Variants in FREM2 observed in about 807,000 individuals in gnomAD.
FREM2 encodes FRAS1-related extracellular matrix protein 2.
In FREM2, 119 loss-of-function variants were observed where a neutral mutation model predicts 219.9. The ratio of observed to expected loss-of-function variants is 0.54; its 90% CI spans 0.47 to 0.63. The LOEUF (loss-of-function observed/expected upper bound fraction) is 0.63, where lower values mean the gene tolerates loss of function less well. FREM2 is among the 30% of genes least tolerant of loss of function. The pLI, the probability that FREM2 is intolerant of heterozygous loss-of-function variation, is 0.00. For synonymous variants in FREM2, 1,562 were observed against 1,522.8 expected (o/e 1.03, Z -0.60); for missense variants, 4,030 against 3,993.6 (o/e 1.01, Z -0.25).
At chr13:38,842,040 AG>A (rs1308066227) in intron 6 of FREM2, among the ~76,000 whole-genome samples, 4 of 152,152 alleles carry the variant, frequency 2.6e-5, no homozygotes, top group Admixed American at 6.5e-5. Flanking sequence ...AGATGTGCAG[AG>A]CAGAAGGTAT....
At chr13:38,720,558 C>G (rs1418990142) in intron 2 of FREM2, among the ~76,000 whole-genome samples, 1 of 152,134 alleles carries the variant, frequency 6.6e-6, no homozygotes, top group Non-Finnish European at 1.5e-5. Flanking sequence ...ATCACACACC[C>G]TTATAAAATC....
At chr13:38,694,321 C>T (rs1318967753) in intron 1 of FREM2, among the ~76,000 whole-genome samples, 1 of 152,270 alleles carries the variant, frequency 6.6e-6, no homozygotes, top group South Asian at 2.1e-4. Flanking sequence ...GGAAAATTAT[C>T]ACATTCCAAT....
rs529296138 is a variant in FREM2 at position 38,883,586 on chromosome 13, C to T, written c.*2799C>T. On this transcript the variant is annotated 3_prime_UTR_variant, in exon 24 of 24. Transcript: ENST00000280481. ...TATTTTAATGATGATCTTATTTATT[C>T]CCATTTTTGCCCTTAGTTAACATTT... The T allele has an allele frequency of 1.3e-4, 20 of 152,080 alleles. No homozygotes were observed. Among genetic ancestry groups the T allele is most frequent in the Non-Finnish European group, 2.8e-4 (19 of 68,000 alleles). The allele number at this position is 152,080 out of a possible 1,614,324, so 9.4% of individuals were successfully genotyped here.
intron 2 of FREM2, among the ~76,000 whole-genome samples, chr13:38,698,216 T>C (rs1593350330): frequency 6.6e-6 from 1 of 152,196 alleles, no homozygotes; most frequent in South Asian, 2.1e-4. Flanking sequence ...CTGTGTGGAC[T>C]AATACTGATG....
chr13:38,847,854 G>T (rs1877221695), intron 7 of FREM2, among the ~76,000 whole-genome samples: 1 of 152,112 alleles, frequency 6.6e-6, no homozygotes, highest in African/African-American at 2.4e-5. Context: ...ATAAGTGGAG[G>T]TATCAACACT....
chr13:38,797,257 C>T (rs902883406), intron 6 of FREM2, among the ~76,000 whole-genome samples: 1 of 151,944 alleles, frequency 6.6e-6, no homozygotes, highest in African/African-American at 2.4e-5. Context: ...CGCATCCTCA[C>T]CTGCTTCTGT....
chr13:38,784,549 G>C lies in FREM2; in HGVS notation c.5768-8G>C. The C allele has an allele frequency of 3.1e-6, 5 of 1,613,972 alleles. No homozygotes were observed. The highest frequency in any genetic ancestry group is 4.2e-6 in the Non-Finnish European group (5 of 1,179,920). On this transcript the variant is annotated splice_region_variant and splice_polypyrimidine_tract_variant and intron_variant, in intron 5 of 23. Coordinates refer to ENST00000280481, the MANE Select transcript of FREM2 (RefSeq NM_207361.6). ...CATAAAAATCTTTTGAATTCTCTCT[G>C]CTTCCAGGAACAGCAACTGGAACTG...
intron 6 of FREM2, among the ~76,000 whole-genome samples, chr13:38,810,128 C>T (rs1266551880): frequency 6.6e-6 from 1 of 151,616 alleles, no homozygotes; most frequent in Non-Finnish European, 1.5e-5. Flanking sequence ...TCAGATTGTT[C>T]AACTTGACAT....
At chr13:38,788,313 G>A (rs879274807) in intron 6 of FREM2, among the ~76,000 whole-genome samples, 1 of 152,108 alleles carries the variant, frequency 6.6e-6, no homozygotes, top group Non-Finnish European at 1.5e-5. Context: ...TGAGAGTAAA[G>A]TTGCAGTTAT....
At chr13:38,846,873 C>G (rs1877178038) in intron 7 of FREM2, 151 bp downstream of exon 7, 4 of 852,410 alleles carry the variant, frequency 4.7e-6, no homozygotes, top group Non-Finnish European at 7.5e-6. Context: ...GGAGGTAAAT[C>G]TAGGCTTTAT....
chr13:38,764,421 G>A lies in FREM2; in HGVS notation c.5381G>A (p.Arg1794Lys), dbSNP rs1014874977. The A allele has an allele frequency of 2.5e-6, 4 of 1,579,774 alleles. No individual in the cohort carries two copies. The highest frequency in any genetic ancestry group is 3.5e-6 in the Non-Finnish European group (4 of 1,156,200). ...TTTCTAGATGTTGTTCTTAAACGTA[G>A]AGGTTACTTGGGAGAAACTTCTTTT... The part of the protein sequence containing the change: ...SKFLDVVLKR[R>K]GYLGETSFIS... Residue 1794 changes from arginine (R) to lysine (K), a missense_variant, in exon 3 of 24, where the codon AGA (arginine) becomes AAA (lysine). Transcript: ENST00000280481.
rs1869801443 is a variant in FREM2 at position 38,690,735 on chromosome 13, A to C, written c.3391A>C (p.Ile1131Leu). The change falls in exon 1 of 24, where the codon ATT (isoleucine) becomes CTT (leucine). Residue 1131 changes from isoleucine (I) to leucine (L), a missense_variant. By Grantham distance (5) the Ile-to-Leu change is conservative (BLOSUM62 2). Coordinates refer to ENST00000280481, the MANE Select transcript of FREM2 (RefSeq NM_207361.6). ...AGGCTCTGAGAAATCAAGAGCAGGGATTGCCATAAGTGCTTTCAACTTGAA... is the reference window on the plus strand; with the variant it reads ...AGGCTCTGAGAAATCAAGAGCAGGGCTTGCCATAAGTGCTTTCAACTTGAA... The part of the protein sequence containing the change: ...APGSEKSRAG[I>L]AISAFNLKDL... 6.2e-7 allele frequency: 1 copy of C among 1,614,036 alleles called. No homozygotes were observed. The highest frequency in any genetic ancestry group is 8.5e-7 in the Non-Finnish European group (1 of 1,180,028).
At chr13:38,860,425 G>T (rs991842484) in intron 14 of FREM2, among the ~76,000 whole-genome samples, 2 of 152,138 alleles carry the variant, frequency 1.3e-5, no homozygotes, top group Non-Finnish European at 2.9e-5. Flanking sequence ...AAAAACGGTT[G>T]TATATATTTG....
Position 38,880,542 on chromosome 13 carries a change from C to G in FREM2, c.9265C>G (p.His3089Asp). ...GGACCGCACCAAGAGGCAGATCCCC[C>G]ATGGGAGAGCACCTCCAGATGGCAT... is the stretch of plus-strand genomic sequence containing the variant. ...ALDRTKRQIP[H>D]GRAPPDGILP... Residue 3089 changes from histidine (H) to aspartate (D), a missense_variant, in exon 24 of 24, where the codon CAT (histidine) becomes GAT (aspartate). Physicochemically the swap from His to Asp is moderately conservative, Grantham distance 81 (BLOSUM62 -1). This residue lies in a region of FREM2 where 928 missense variants were observed against 1,042.9 expected (regional missense o/e 0.89). Coordinates refer to ENST00000280481, the MANE Select transcript of FREM2 (RefSeq NM_207361.6). 6.2e-7 allele frequency: 1 copy of G among 1,614,178 alleles called. No individual in the cohort carries two copies. The highest frequency in any genetic ancestry group is 8.5e-7 in the Non-Finnish European group (1 of 1,180,026).
At chr13:38,851,540 G>A (rs762358057) in intron 10 of FREM2, 146 bp from the exon 11 acceptor site, 16 of 696,296 alleles carry the variant, frequency 2.3e-5, no homozygotes, top group Middle Eastern at 3.9e-4. Flanking sequence ...TTCCACACAC[G>A]TCACTAATTT....
intron 20 of FREM2, 148 bp from the exon 21 acceptor site, chr13:38,876,969 C>T: frequency 3.1e-6 from 3 of 968,150 alleles, no homozygotes; most frequent in South Asian, 2.7e-5. Context: ...AATGTTACAA[C>T]TCTCTGAGTT....
In FREM2 at chr13:38,883,979, T is replaced by C. The variant is rs7337135; in HGVS notation, c.*3192T>C. On this transcript the variant is annotated 3_prime_UTR_variant, in exon 24 of 24. Transcript: ENST00000280481. ...GCTGTGGGTGGGACTGCACATTCTTTTCCTCTTAGTAAAAGATAGGCCCAC... is the reference window on the plus strand; with the variant it reads ...GCTGTGGGTGGGACTGCACATTCTTCTCCTCTTAGTAAAAGATAGGCCCAC... The C allele has an allele frequency of 0.26, 40,139 of 152,058 alleles. 6,419 individuals carry two copies. The highest frequency in any genetic ancestry group is 0.45 in the African/African-American group (18,605 of 41,448). The allele number at this position is 152,058 out of a possible 1,614,324, so 9.4% of individuals were successfully genotyped here. A position where few individuals can be genotyped will look rare whatever the true frequency, so the allele number is the denominator to read the frequency against.
Position 38,856,116 on chromosome 13 carries a change from A to G in FREM2, c.6926-10A>G. The G allele has an allele frequency of 1.3e-6, 2 of 1,597,104 alleles. 1 individual carries two copies. Among genetic ancestry groups the G allele is most frequent in the South Asian group, 2.2e-5 (2 of 90,770 alleles). ...GCAAATGATTTAAATCTGTGATGTTACATTTGTAGAAATTGAGTTTAAGGA... is the reference window on the plus strand; with the variant it reads ...GCAAATGATTTAAATCTGTGATGTTGCATTTGTAGAAATTGAGTTTAAGGA... On this transcript the variant is annotated splice_polypyrimidine_tract_variant and intron_variant, in intron 11 of 23. Transcript: ENST00000280481.
chr13:38,880,236 T>A, intron 23 of FREM2, 48 bp from the exon 24 acceptor site: 1 of 1,584,018 alleles, frequency 6.3e-7, no homozygotes. Context: ...GTGGATTAGA[T>A]TGACATGGTA....
Sources: allele counts gnomAD v4.1 joint callset (sites outside exome capture counted in the v4.1 genomes callset), GRCh38; gene constraint gnomAD v4.1.1; regional missense constraint gnomAD v4.1.1; transcripts MANE v1.5; gene names NCBI Gene and HGNC (gene_info 2026-07-23, HGNC 2026-07-21).